Variants in ERICH6B observed in about 807,000 individuals in gnomAD.
ERICH6B encodes the protein glutamate rich 6B.
Under a neutral mutation model 80.0 loss-of-function variants are expected in ERICH6B, and 69 were observed. The observed-to-expected ratio is 0.86, with a 90% CI of 0.71 to 1.05. ERICH6B has a LOEUF of 1.05. Among genes scored for constraint, ERICH6B ranks in the 50% least tolerant of loss-of-function variants. ERICH6B has a pLI of 0.00. For synonymous variants in ERICH6B, 283 were observed against 291.9 expected (o/e 0.97, Z 0.31); for missense variants, 754 against 796.1 (o/e 0.95, Z 0.64).
chr13:45,590,730 G>A, intron 3 of ERICH6B, 33 bp from the exon 4 acceptor site: 4 of 1,524,522 alleles, frequency 2.6e-6, no homozygotes, highest in Non-Finnish European at 3.6e-6. Flanking sequence ...AGCAATATTG[G>A]CAAAAAAGCA....
Position 45,587,186 on chromosome 13 carries a change from G to T in ERICH6B, c.733C>A (p.Pro245Thr), listed in dbSNP as rs546583410. Reference protein sequence around the residue: ...PSQVTTFLTVPLTFATPSPVS... With the variant: ...PSQVTTFLTVTLTFATPSPVS... ...GGAGAAGGGGTAGCGAAAGTCAACG[G>T]GACAGTCAAGAAGGTGGTCACCTGA... The change falls in exon 5 of 15, where the codon CCG becomes ACG. Residue 245 changes from proline to threonine, a missense_variant. Pro to Thr is a conservative substitution (Grantham distance 38). Transcript: ENST00000298738. 2.3e-5 allele frequency: 35 copies of T among 1,551,646 alleles called. No homozygotes were observed. In the African/African-American group the frequency reaches 4.6e-4, roughly 21 times the overall value.
chr13:45,562,450 A>C (rs1340457335), intron 10 of ERICH6B, among the ~76,000 whole-genome samples: 1 of 152,230 alleles, frequency 6.6e-6, no homozygotes, highest in Non-Finnish European at 1.5e-5. Flanking sequence ...TAAACTGGTA[A>C]GGACAACTGA....
chr13:45,571,922 T>C (rs999931443), intron 8 of ERICH6B, among the ~76,000 whole-genome samples: 2 of 152,236 alleles, frequency 1.3e-5, no homozygotes, highest in Non-Finnish European at 2.9e-5. Flanking sequence ...AGGAACCAAC[T>C]GTGCCAACAC....
chr13:45,581,708 C>T (rs1390054504), intron 5 of ERICH6B, among the ~76,000 whole-genome samples: 5 of 152,138 alleles, frequency 3.3e-5, no homozygotes, highest in Admixed American at 2.6e-4. Context: ...GACTAATAGG[C>T]CCATGATGAA....
chr13:45,605,719 C>G (rs1949854035), intron 2 of ERICH6B, among the ~76,000 whole-genome samples: 1 of 152,222 alleles, frequency 6.6e-6, no homozygotes, highest in South Asian at 2.1e-4. Flanking sequence ...CTCACAGCCT[C>G]TTTCACAAGC....
chr13:45,587,054 T>A lies in ERICH6B; in HGVS notation c.856+9A>T. 6.4e-7 allele frequency: 1 copy of A among 1,550,638 alleles called. No individual in the cohort carries two copies. The highest frequency in any genetic ancestry group is 8.7e-7 in the Non-Finnish European group (1 of 1,146,338). Reference sequence around the variant, plus strand: ...CTGCGCCTCACCGACAGAGCGCAGCTTCCCTCACCGGCAGTTCTGTCGTAG... The same window carrying A: ...CTGCGCCTCACCGACAGAGCGCAGCATCCCTCACCGGCAGTTCTGTCGTAG... On this transcript the variant is annotated intron_variant, in intron 5 of 14. Transcript: ENST00000298738.
At chr13:45,577,845 G>A (rs370995323) in intron 7 of ERICH6B, among the ~76,000 whole-genome samples, 2 of 152,038 alleles carry the variant, frequency 1.3e-5, no homozygotes, top group African/African-American at 2.4e-5. Flanking sequence ...CTCCCTTCTC[G>A]GCCTCCCAAA....
Position 45,541,483 on chromosome 13 carries a change from C to T in ERICH6B, c.2070G>A (p.Met690Ile), listed in dbSNP as rs755180429. ...SLMDNKYLKK[M>I]LSKLWF ...CGCCTTAAAACCAGAGTTTAGAGAG[C>T]ATCTTCTTCAGGTACTTGTTGTCCA... The change falls in exon 15 of 15, where the codon ATG becomes ATA. Residue 690 changes from methionine (M) to isoleucine (I), a missense_variant. Transcript: ENST00000298738. The T allele has an allele frequency of 1.9e-6, 3 of 1,552,142 alleles. No homozygotes were observed. The highest frequency in any genetic ancestry group is 2.4e-5 in the South Asian group (2 of 84,034).
At chr13:45,568,486 A>G in intron 8 of ERICH6B, 35 bp from the exon 9 acceptor site, 1 of 1,452,908 alleles carries the variant, frequency 6.9e-7, no homozygotes, top group Non-Finnish European at 9.1e-7. Flanking sequence ...TATTCAGAAA[A>G]TGGAAATTAA....
chr13:45,577,415 C>G (rs1250747762), intron 7 of ERICH6B, among the ~76,000 whole-genome samples: 2 of 150,072 alleles, frequency 1.3e-5, no homozygotes, highest in African/African-American at 4.9e-5. Flanking sequence ...TCCCAAGTAG[C>G]TAGGATTACA....
At chr13:45,577,276 CTTTTT>C (rs34244794) in intron 7 of ERICH6B, among the ~76,000 whole-genome samples, 991 of 85,952 alleles carry the variant, frequency 0.012, 13 homozygotes, top group African/African-American at 0.033. Flanking sequence ...AAAAACAAAT[CTTTTT>C]TTTTTTTTTT....
At chr13:45,556,584 T>C (rs1397341530) in intron 11 of ERICH6B, among the ~76,000 whole-genome samples, 2 of 152,138 alleles carry the variant, frequency 1.3e-5, no homozygotes, top group Non-Finnish European at 2.9e-5. Context: ...CCAAAGTCTA[T>C]TGTGTCATTC....
At chr13:45,577,992 G>A (rs777643621) in intron 7 of ERICH6B, among the ~76,000 whole-genome samples, 1 of 152,194 alleles carries the variant, frequency 6.6e-6, no homozygotes, top group African/African-American at 2.4e-5. Context: ...CCCACATTAC[G>A]TGACAAAGAT....
At chr13:45,570,023 T>G (rs200121764) in intron 8 of ERICH6B, among the ~76,000 whole-genome samples, 1 of 152,354 alleles carries the variant, frequency 6.6e-6, no homozygotes, top group East Asian at 1.9e-4. Flanking sequence ...ATGTCTGTTG[T>G]GGTCTGCTGG....
intron 1 of ERICH6B, among the ~76,000 whole-genome samples, chr13:45,614,880 A>C (rs987075660): frequency 1.3e-5 from 2 of 152,264 alleles, no homozygotes; most frequent in Non-Finnish European, 2.9e-5. Flanking sequence ...CCATGGTGCC[A>C]GGCCTGGGCT....
intron 9 of ERICH6B, 68 bp downstream of exon 9, chr13:45,568,247 T>C: frequency 6.9e-7 from 1 of 1,450,480 alleles, no homozygotes; most frequent in Middle Eastern, 1.8e-4. Context: ...CAGTTTACAC[T>C]TTCCCTGCTG....
intron 6 of ERICH6B, 35 bp from the exon 7 acceptor site, chr13:45,580,009 C>A: frequency 6.7e-7 from 1 of 1,490,994 alleles, no homozygotes; most frequent in Non-Finnish European, 9.2e-7. Context: ...TAACAGGATA[C>A]GGTATAGTGA....
chr13:45,565,029 T>C (rs1370245414), intron 9 of ERICH6B, among the ~76,000 whole-genome samples: 1 of 152,182 alleles, frequency 6.6e-6, no homozygotes, highest in Non-Finnish European at 1.5e-5. Flanking sequence ...AAATATCTGT[T>C]GAATGCAATT....
At chr13:45,558,201 G>A (rs1378219056) in intron 11 of ERICH6B, among the ~76,000 whole-genome samples, 3 of 152,182 alleles carry the variant, frequency 2.0e-5, no homozygotes, top group South Asian at 4.2e-4. Flanking sequence ...TGCAGCTATT[G>A]TAAAAAGAGT....
Sources: allele counts gnomAD v4.1 joint callset (sites outside exome capture counted in the v4.1 genomes callset), GRCh38; gene constraint gnomAD v4.1.1; transcripts MANE v1.5; gene names NCBI Gene and HGNC (gene_info 2026-07-23, HGNC 2026-07-21).